Variants in SDK1 observed in about 807,000 individuals in gnomAD.
The protein encoded by SDK1 is sidekick cell adhesion molecule 1.
A neutral mutation model predicts 245.5 loss-of-function variants in SDK1; 157 were observed. That is an observed-to-expected ratio of 0.64 (90% confidence interval 0.56 to 0.73). The LOEUF (loss-of-function observed/expected upper bound fraction) is 0.73. SDK1 is among the 30% of genes least tolerant of loss of function. The pLI is 0.00. For missense variants in SDK1, 3,583 were observed against 3,002.3 expected (o/e 1.19, Z -4.52); for synonymous variants, 1,647 against 1,278.5 (o/e 1.29, Z -6.15).
intron 1 of SDK1, among the ~76,000 whole-genome samples, chr7:3,574,123 C>CT (rs762606484): frequency 0.031 from 4,444 of 143,478 alleles, 203 homozygotes; most frequent in African/African-American, 0.097. Flanking sequence ...TTTTTTTTTT[C>CT]TTTTTTTTTT....
intron 4 of SDK1, among the ~76,000 whole-genome samples, chr7:3,799,803 A>G (rs1396569238): frequency 6.6e-6 from 1 of 151,978 alleles, no homozygotes; most frequent in Admixed American, 6.6e-5. Flanking sequence ...GCTCCTCCAA[A>G]TGCTAAATTT....
intron 12 of SDK1, among the ~76,000 whole-genome samples, chr7:3,973,607 G>A (rs1298907316): frequency 1.3e-5 from 2 of 152,016 alleles, no homozygotes; most frequent in Non-Finnish European, 2.9e-5. Flanking sequence ...ATTCCACTCT[G>A]TAGATTTTTT....
chr7:4,266,121 C>A lies in SDK1; in HGVS notation c.*737C>A, dbSNP rs984412718. 3.0e-6 allele frequency: 3 copies of A among 985,504 alleles called. No homozygotes were observed. The highest frequency in any genetic ancestry group is 9.4e-5 in the South Asian group (2 of 21,290). The allele number at this position is 985,504 out of a possible 1,614,324, so 61.0% of individuals were successfully genotyped here. On this transcript the variant is annotated 3_prime_UTR_variant, in exon 45 of 45. Transcript: ENST00000404826. ...CGAGGGAGAGGGAAGCCTCTTAGGG[C>A]TGGAAGCCACCACGCTGGCCCTCTC...
intron 39 of SDK1, among the ~76,000 whole-genome samples, chr7:4,220,653 G>C (rs984366098): frequency 1.3e-5 from 2 of 151,840 alleles, no homozygotes; most frequent in African/African-American, 4.8e-5. Context: ...TCTGCCCTTT[G>C]TTTAAAGACA....
At chr7:4,215,900 A>G (rs1784770169) in intron 38 of SDK1, among the ~76,000 whole-genome samples, 1 of 152,122 alleles carries the variant, frequency 6.6e-6, no homozygotes, top group Admixed American at 6.5e-5. Context: ...CCAACCTCAG[A>G]GCAGAGGGAG....
intron 42 of SDK1, among the ~76,000 whole-genome samples, chr7:4,241,004 G>A (rs962376777): frequency 2.0e-5 from 3 of 152,150 alleles, no homozygotes; most frequent in Non-Finnish European, 4.4e-5. Flanking sequence ...AGAATGAGCC[G>A]GGAAAACCCA....
chr7:3,386,079 G>A (rs1018051655), intron 1 of SDK1, among the ~76,000 whole-genome samples: 61 of 152,040 alleles, frequency 4.0e-4, no homozygotes, highest in African/African-American at 1.4e-3. Flanking sequence ...TCTCTTGACA[G>A]GATTGAGTAG....
chr7:3,304,726 A>G (rs995436016), intron 1 of SDK1, among the ~76,000 whole-genome samples: 8 of 152,146 alleles, frequency 5.3e-5, no homozygotes, highest in Non-Finnish European at 8.8e-5. Flanking sequence ...GAATTCGAGA[A>G]CTACTCACTT....
chr7:3,379,649 C>A (rs974367167), intron 1 of SDK1, among the ~76,000 whole-genome samples: 2 of 152,078 alleles, frequency 1.3e-5, no homozygotes, highest in Non-Finnish European at 2.9e-5. Context: ...TGGTTTTGAT[C>A]CAAGTAACCT....
intron 1 of SDK1, among the ~76,000 whole-genome samples, chr7:3,416,379 A>C (rs904204771): frequency 6.6e-6 from 1 of 151,474 alleles, no homozygotes; most frequent in African/African-American, 2.4e-5. Context: ...ACTTCTCCCC[A>C]CGGGAGAAAG....
intron 4 of SDK1, among the ~76,000 whole-genome samples, chr7:3,710,454 A>T (rs926223531): frequency 6.6e-6 from 1 of 152,248 alleles, no homozygotes; most frequent in African/African-American, 2.4e-5. Context: ...TATTGGAATT[A>T]TTAAGGACTA....
chr7:3,952,049 GT>G, intron 7 of SDK1, 129 bp downstream of exon 7: 4 of 816,040 alleles, frequency 4.9e-6, no homozygotes, highest in Non-Finnish European at 7.6e-6. Context: ...GTGAGGTTGA[GT>G]TTACCTTCGA....
At chr7:3,535,716 G>C (rs1364846282) in intron 1 of SDK1, among the ~76,000 whole-genome samples, 1 of 152,122 alleles carries the variant, frequency 6.6e-6, no homozygotes, top group Non-Finnish European at 1.5e-5. Flanking sequence ...GTATATGCGT[G>C]TCTACATACA....
chr7:4,014,339 T>A (rs1369564707), intron 16 of SDK1, among the ~76,000 whole-genome samples: 1 of 152,204 alleles, frequency 6.6e-6, no homozygotes, highest in African/African-American at 2.4e-5. Flanking sequence ...TAGAGTTGGG[T>A]GCTGGAGATG....
intron 5 of SDK1, among the ~76,000 whole-genome samples, chr7:3,933,654 G>C (rs987400118): frequency 6.6e-6 from 1 of 152,140 alleles, no homozygotes; most frequent in African/African-American, 2.4e-5. Flanking sequence ...CAGAGGAAGT[G>C]TTCATTGATA....
chr7:3,701,471 G>A (rs1469084656), intron 4 of SDK1, among the ~76,000 whole-genome samples: 1 of 152,166 alleles, frequency 6.6e-6, no homozygotes, highest in East Asian at 1.9e-4. Flanking sequence ...GTGGTAGCAC[G>A]TGCCTGTAGT....
intron 13 of SDK1, among the ~76,000 whole-genome samples, chr7:3,977,675 C>G (rs942539587): frequency 6.6e-6 from 1 of 152,240 alleles, no homozygotes; most frequent in Non-Finnish European, 1.5e-5. Context: ...GCAGTTCTTC[C>G]CTGCGCGCAG....
At chr7:4,228,066 A>T (rs1562457945) in intron 40 of SDK1, among the ~76,000 whole-genome samples, 1 of 152,230 alleles carries the variant, frequency 6.6e-6, no homozygotes, top group African/African-American at 2.4e-5. Context: ...GAAGATGCAT[A>T]GTTCATATTC....
At chr7:3,343,665 G>A (rs1397801613) in intron 1 of SDK1, among the ~76,000 whole-genome samples, 1 of 152,070 alleles carries the variant, frequency 6.6e-6, no homozygotes, top group African/African-American at 2.4e-5. Context: ...GGGTGAATGG[G>A]ATCTCTGTAG....
Sources: allele counts gnomAD v4.1 joint callset (sites outside exome capture counted in the v4.1 genomes callset), GRCh38; gene constraint gnomAD v4.1.1; transcripts MANE v1.5; gene names NCBI Gene and HGNC (gene_info 2026-07-23, HGNC 2026-07-21).